Variants in EXTL3 observed in about 807,000 individuals in gnomAD.
The protein encoded by EXTL3 is exostosin-like 3.
EXTL3 carries 27 observed loss-of-function variants against 69.3 expected under a neutral mutation model. The ratio of observed to expected loss-of-function variants is 0.39; its 90% CI spans 0.29 to 0.54. The LOEUF (loss-of-function observed/expected upper bound fraction) is 0.54. Among genes scored for constraint, EXTL3 ranks in the 20% least tolerant of loss-of-function variants. The probability of loss-of-function intolerance (pLI) is 0.69; values close to 1 mark genes in which losing one functional copy is unlikely to be tolerated. For missense variants in EXTL3, 1,003 were observed against 1,231.8 expected (o/e 0.81, Z 2.78); for synonymous variants, 511 against 499.4 (o/e 1.02, Z -0.31).
intron 1 of EXTL3, among the ~76,000 whole-genome samples, chr8:28,633,704 C>T (rs2130567392): frequency 6.6e-6 from 1 of 152,186 alleles, no homozygotes; most frequent in South Asian, 2.1e-4. Flanking sequence ...TATAAGGTTT[C>T]CTTGGAACAC....
At chr8:28,655,721 T>C (rs1188199653) in intron 1 of EXTL3, among the ~76,000 whole-genome samples, 1 of 152,136 alleles carries the variant, frequency 6.6e-6, no homozygotes, top group Non-Finnish European at 1.5e-5. Flanking sequence ...CTTGAACTCT[T>C]GGGCTCAAGC....
intron 1 of EXTL3, among the ~76,000 whole-genome samples, chr8:28,703,664 G>A (rs1169797532): frequency 1.3e-5 from 2 of 152,092 alleles, no homozygotes; most frequent in Non-Finnish European, 2.9e-5. Context: ...TCAGGTGTTA[G>A]GAGAAAAATG....
chr8:28,702,567 C>G (rs1800832755), intron 1 of EXTL3, among the ~76,000 whole-genome samples: 1 of 147,338 alleles, frequency 6.8e-6, no homozygotes, highest in African/African-American at 2.5e-5. Context: ...CCCCCGCCAC[C>G]CGCACCACCC....
chr8:28,747,577 A>G (rs1046913909), intron 6 of EXTL3, among the ~76,000 whole-genome samples: 2 of 152,200 alleles, frequency 1.3e-5, no homozygotes, highest in Non-Finnish European at 2.9e-5. Context: ...AAAGATAGAC[A>G]TGCAGAAAGA....
intron 1 of EXTL3, among the ~76,000 whole-genome samples, chr8:28,703,835 T>C (rs999270275): frequency 6.6e-6 from 1 of 152,232 alleles, no homozygotes; most frequent in African/African-American, 2.4e-5. Context: ...TATTAACATA[T>C]TTCTATTTTA....
chr8:28,637,506 G>C (rs1374662613), intron 1 of EXTL3: 1 of 152,152 alleles, frequency 6.6e-6, no homozygotes, highest in African/African-American at 2.4e-5. Flanking sequence ...CTTTAAATCT[G>C]TCGATTGAGT....
Position 28,750,697 on chromosome 8 carries a change from A to C in EXTL3, c.2591A>C (p.Gln864Pro). Residue 864 changes from glutamine (Q) to proline (P), a missense_variant, in exon 7 of 7, where the codon CAG (glutamine) becomes CCG (proline). Transcript: ENST00000220562. The surrounding 1 kb of genome is among the most constrained non-coding windows in gnomAD (Gnocchi z 5.2). The part of the protein sequence containing the change: ...RWTFRCPGCP[Q>P]ALSHDDSHFH... ...ACATTCCGATGCCCAGGATGCCCTC[A>C]GGCCCTGTCTCATGATGACTCCCAC... is the stretch of plus-strand genomic sequence containing the variant. The C allele has an allele frequency of 6.2e-7, 1 of 1,614,162 alleles. No homozygotes were observed. The highest frequency in any genetic ancestry group is 8.5e-7 in the Non-Finnish European group (1 of 1,180,016).
At chr8:28,662,926 T>C (rs1423806184) in intron 1 of EXTL3, among the ~76,000 whole-genome samples, 1 of 152,132 alleles carries the variant, frequency 6.6e-6, no homozygotes, top group Admixed American at 6.5e-5. Flanking sequence ...CACTGCACTC[T>C]AGCCTGGAAG....
chr8:28,733,560 ATT>A (rs1171341000), intron 4 of EXTL3, among the ~76,000 whole-genome samples: 8 of 129,918 alleles, frequency 6.2e-5, no homozygotes, highest in Non-Finnish European at 5.0e-5. Context: ...TAATCTTTAC[ATT>A]TTTTTTTTTT....
chr8:28,650,842 C>T (rs1032951137), intron 1 of EXTL3, among the ~76,000 whole-genome samples: 2 of 151,972 alleles, frequency 1.3e-5, no homozygotes, highest in Admixed American at 6.6e-5. Context: ...CTTGATATCT[C>T]GTAGGGATAA....
chr8:28,607,979 G>T (rs1162253043), intron 2 of EXTL3, among the ~76,000 whole-genome samples: 3 of 151,760 alleles, frequency 2.0e-5, no homozygotes, highest in Non-Finnish European at 4.4e-5. Flanking sequence ...GCGTGGTGGT[G>T]GGCGCCTGTA....
rs34831917 is a variant in EXTL3 at position 28,723,640 on chromosome 8, G to GTTTTT, written c.2148+5448_2148+5452dup. On this transcript the variant is annotated intron_variant, in intron 3 of 6. Coordinates refer to ENST00000220562, the MANE Select transcript of EXTL3 (RefSeq NM_001440.4). ...TGTATTAGAATGAGGGCTCAGGACT[G>GTTTTT]TTTTTTTTTTTTTTTTTTTGAGACA... 1.9e-4 allele frequency among the ~76,000 whole-genome samples: 23 copies of GTTTTT among 120,904 alleles called. 2 individuals are homozygous for GTTTTT. The highest frequency in any genetic ancestry group is 3.1e-4 in the Non-Finnish European group (18 of 58,584). 79.3% of individuals were successfully genotyped at this position (120,904 alleles called of 152,430 possible).
chr8:28,655,886 TGGC>T (rs1226436762), intron 1 of EXTL3, among the ~76,000 whole-genome samples: 1 of 152,172 alleles, frequency 6.6e-6, no homozygotes, highest in African/African-American at 2.4e-5. Context: ...CTGGTCATGA[TGGC>T]GGCCTGAACA....
rs1807260994 is a variant in EXTL3 at position 28,670,060 on chromosome 8, C to T, written c.-52-43397C>T. Among the ~76,000 whole-genome samples, 4 of 152,030 alleles carry T rather than the reference C, an allele frequency of 2.6e-5. No homozygotes were observed. In the South Asian group the frequency reaches 8.3e-4, roughly 32 times the overall value. ...CCCGTCTCGACCAAAAATACAAAAACTAGCTGGGCATGATGTTGTGTGCCT... is the reference window on the plus strand; with the variant it reads ...CCCGTCTCGACCAAAAATACAAAAATTAGCTGGGCATGATGTTGTGTGCCT... On this transcript the variant is annotated intron_variant, in intron 1 of 6. Coordinates refer to the EXTL3 transcript ENST00000523149.
At chr8:28,639,033 G>C (rs1806702298) in intron 1 of EXTL3, among the ~76,000 whole-genome samples, 1 of 151,380 alleles carries the variant, frequency 6.6e-6, no homozygotes, top group African/African-American at 2.4e-5. Context: ...CAACTCCCAG[G>C]TTCACGCAAT....
At chr8:28,661,134 C>T (rs868549502) in intron 1 of EXTL3, among the ~76,000 whole-genome samples, 2 of 151,570 alleles carry the variant, frequency 1.3e-5, no homozygotes, top group South Asian at 2.1e-4. Context: ...AGGATGGTCT[C>T]GATCTCCTGA....
chr8:28,681,801 C>A (rs1272301555), intron 1 of EXTL3, among the ~76,000 whole-genome samples: 4 of 152,162 alleles, frequency 2.6e-5, no homozygotes, highest in Non-Finnish European at 4.4e-5. Context: ...CGCCTGTAAT[C>A]CCAGCACTTT....
chr8:28,724,138 TATC>T (rs1490890392), intron 3 of EXTL3, among the ~76,000 whole-genome samples: 1 of 152,166 alleles, frequency 6.6e-6, no homozygotes, highest in African/African-American at 2.4e-5. Context: ...AGACTGCTAA[TATC>T]ATGTTATAAT....
chr8:28,682,536 A>G (rs1235990762), intron 1 of EXTL3, among the ~76,000 whole-genome samples: 2 of 152,100 alleles, frequency 1.3e-5, no homozygotes, highest in Non-Finnish European at 2.9e-5. Context: ...ACTGCTTCCC[A>G]GGATCAAGCG....
Sources: gnomAD v4.1 joint callset for allele counts (sites outside exome capture counted in the v4.1 genomes callset) on GRCh38, gnomAD v4.1.1 for gene constraint, Gnocchi (gnomAD v3.1) non-coding constraint, MANE v1.5 for transcripts, NCBI Gene and HGNC (gene_info 2026-07-23, HGNC 2026-07-21) for gene names.